The following TENM4 variants were observed in gnomAD, a reference collection of about 807,000 sequenced individuals.
TENM4 encodes the protein teneurin transmembrane protein 4.
In TENM4, 82 loss-of-function variants were observed where a neutral mutation model predicts 243.3. The ratio of observed to expected loss-of-function variants is 0.34; its 90% CI spans 0.28 to 0.40. TENM4 has a LOEUF of 0.40. Among genes scored for constraint, TENM4 ranks in the 10% least tolerant of loss-of-function variants. The pLI, the probability that TENM4 is intolerant of heterozygous loss-of-function variation, is 1.00. For missense variants in TENM4, 3,138 were observed against 3,673.3 expected, an observed-to-expected ratio of 0.85 and a Z score of 3.77; for synonymous variants, 1,412 against 1,456.3, an observed-to-expected ratio of 0.97 and a Z score of 0.69.
rs202241833 is a variant in TENM4 at position 78,658,552 on chromosome 11, T to A, written c.7816A>T (p.Asn2606Tyr). 4.4e-4 allele frequency: 714 copies of A among 1,613,984 alleles called. No individual in the cohort carries two copies. The highest frequency in any genetic ancestry group is 5.9e-4 in the Non-Finnish European group (701 of 1,179,884). The change falls in exon 34 of 34, where the codon AAC (asparagine) becomes TAC (tyrosine). Residue 2606 changes from asparagine to tyrosine, a missense_variant. By Grantham distance (143) the Asn-to-Tyr change is moderately radical. This residue lies in a region of TENM4 where 2,467 missense variants were observed against 3,059.1 expected (regional missense o/e 0.81). Coordinates refer to ENST00000278550, the MANE Select transcript of TENM4 (RefSeq NM_001098816.3). ...AILNHAHYLE[N>Y]LHFTIDGVDT... is the part of the protein sequence containing the mutation. Reference sequence around the variant, plus strand: ...ACCCCATCAATGGTGAAGTGCAGGTTCTCTAGGTAGTGGGCATGGTTCAAG... The same window carrying A: ...ACCCCATCAATGGTGAAGTGCAGGTACTCTAGGTAGTGGGCATGGTTCAAG...
intron 2 of TENM4, among the ~76,000 whole-genome samples, chr11:79,296,115 G>A (rs963011475): frequency 6.6e-6 from 1 of 152,146 alleles, no homozygotes; most frequent in African/African-American, 2.4e-5. Context: ...TGAAATTCCA[G>A]ACATTGAGGG....
chr11:79,382,567 G>A (rs1035067505), intron 1 of TENM4, among the ~76,000 whole-genome samples: 35 of 152,096 alleles, frequency 2.3e-4, no homozygotes, highest in African/African-American at 8.2e-4. Context: ...CTTCCTGAAG[G>A]AAGCCTCCTA....
At chr11:79,118,384 A>ATTG (rs1473303756) in intron 4 of TENM4, among the ~76,000 whole-genome samples, 2 of 152,208 alleles carry the variant, frequency 1.3e-5, no homozygotes, top group Non-Finnish European at 2.9e-5. Flanking sequence ...CTTTTAAAAC[A>ATTG]TTGAGGTAAA....
intron 6 of TENM4, among the ~76,000 whole-genome samples, chr11:78,990,166 G>A (rs964440392): frequency 6.6e-6 from 1 of 152,102 alleles, no homozygotes; most frequent in Non-Finnish European, 1.5e-5. Flanking sequence ...TATGTTAGAG[G>A]TACAGGAGTC....
chr11:79,224,006 C>T (rs1864211505), intron 2 of TENM4, among the ~76,000 whole-genome samples: 1 of 152,208 alleles, frequency 6.6e-6, no homozygotes, highest in Non-Finnish European at 1.5e-5. Flanking sequence ...ACTGCCAATA[C>T]AAGACCCTCC....
At chr11:79,294,835 GT>G in intron 2 of TENM4, among the ~76,000 whole-genome samples, 1 of 152,162 alleles carries the variant, frequency 6.6e-6, no homozygotes, top group Non-Finnish European at 1.5e-5. Flanking sequence ...GGTGACAAGA[GT>G]GAAACTCTGT....
chr11:79,348,255 C>T (rs982268881), intron 1 of TENM4, among the ~76,000 whole-genome samples: 4 of 152,086 alleles, frequency 2.6e-5, no homozygotes, highest in East Asian at 1.9e-4. Context: ...AAGGCTACAC[C>T]GAGGATATAG....
intron 7 of TENM4, among the ~76,000 whole-genome samples, chr11:78,894,180 G>A (rs893060434): frequency 2.0e-5 from 3 of 152,252 alleles, no homozygotes; most frequent in African/African-American, 7.2e-5. Context: ...TGCATTTCAG[G>A]AGGGAACTGT....
rs1023716484 is a variant in TENM4 at position 78,732,259 on chromosome 11, C to T, written c.3138+57G>A. On this transcript the variant is annotated intron_variant, in intron 21 of 33. Transcript: ENST00000278550. ...TCTTTCCACTGTCTCTGAGATCCTCCTCCACCCCCAAAATGAAATAAAAGC... is the reference window on the plus strand; with the variant it reads ...TCTTTCCACTGTCTCTGAGATCCTCTTCCACCCCCAAAATGAAATAAAAGC... 7.1e-6 allele frequency: 11 copies of T among 1,539,760 alleles called. No homozygotes were observed. The South Asian group carries it at 1.4e-4, about 19-fold the overall frequency.
chr11:79,409,499 G>T (rs766441082), intron 1 of TENM4, among the ~76,000 whole-genome samples: 1 of 152,136 alleles, frequency 6.6e-6, no homozygotes, highest in African/African-American at 2.4e-5. Context: ...CACCAGCTGC[G>T]CCTTTGCTGA....
chr11:79,035,676 G>T (rs1859358420), intron 6 of TENM4, among the ~76,000 whole-genome samples: 1 of 152,102 alleles, frequency 6.6e-6, no homozygotes. Flanking sequence ...AGCTTCCTGG[G>T]TTTATTCTAT....
At chr11:79,326,720 C>A (rs1378921775) in intron 1 of TENM4, among the ~76,000 whole-genome samples, 1 of 152,196 alleles carries the variant, frequency 6.6e-6, no homozygotes, top group East Asian at 1.9e-4. Flanking sequence ...GTTCCACACT[C>A]AGTTCCCATT....
intron 9 of TENM4, among the ~76,000 whole-genome samples, chr11:78,870,275 T>C (rs897866111): frequency 4.6e-5 from 7 of 152,232 alleles, no homozygotes; most frequent in African/African-American, 1.4e-4. Flanking sequence ...CTATATCTAC[T>C]GAAAACTTTA....
intron 3 of TENM4, among the ~76,000 whole-genome samples, chr11:79,197,336 C>T (rs1863650386): frequency 7.4e-6 from 1 of 136,036 alleles, no homozygotes; most frequent in African/African-American, 2.9e-5. Context: ...TTAGAATCAC[C>T]TGGAAGTTTT....
chr11:78,659,355 T>G (rs528307633), intron 33 of TENM4, among the ~76,000 whole-genome samples: 1 of 152,354 alleles, frequency 6.6e-6, no homozygotes, highest in African/African-American at 2.4e-5. Flanking sequence ...AGGTTGTCAC[T>G]GGCTCACAGT....
Position 78,815,518 on chromosome 11 carries a change from T to C in TENM4, c.1682-1123A>G, listed in dbSNP as rs371383808. 4.2e-4 allele frequency among the ~76,000 whole-genome samples: 64 copies of C among 152,344 alleles called. 1 individual carries two copies. In the East Asian group the frequency reaches 6.8e-3, roughly 16 times the overall value. ...CCTAATACGTTTGTTACATGCTCTG[T>C]GTGACAGGTCAAGAAAATATAGAAT... is the stretch of plus-strand genomic sequence containing the variant. On this transcript the variant is annotated intron_variant, in intron 12 of 33. Coordinates refer to ENST00000278550, the MANE Select transcript of TENM4 (RefSeq NM_001098816.3).
At chr11:78,871,792 G>A (rs535951081) in intron 9 of TENM4, among the ~76,000 whole-genome samples, 5 of 152,262 alleles carry the variant, frequency 3.3e-5, no homozygotes, top group Non-Finnish European at 5.9e-5. Context: ...CCTCCCTTTA[G>A]GGCAGGGATT....
At chr11:78,920,619 A>G (rs1171484834) in intron 6 of TENM4, among the ~76,000 whole-genome samples, 1 of 152,056 alleles carries the variant, frequency 6.6e-6, no homozygotes, top group Non-Finnish European at 1.5e-5. Context: ...AGGATGAACT[A>G]CCTCATCCTT....
intron 6 of TENM4, among the ~76,000 whole-genome samples, chr11:79,035,674 G>C (rs998361121): frequency 4.6e-5 from 7 of 152,080 alleles, no homozygotes; most frequent in Admixed American, 3.3e-4. Context: ...GAAGCTTCCT[G>C]GGTTTATTCT....
Sources: allele counts gnomAD v4.1 joint callset (sites outside exome capture counted in the v4.1 genomes callset), GRCh38; gene constraint gnomAD v4.1.1; regional missense constraint gnomAD v4.1.1; transcripts MANE v1.5; gene names NCBI Gene and HGNC (gene_info 2026-07-23, HGNC 2026-07-21).